The following FRMPD1 variants were observed in gnomAD, a reference collection of about 807,000 sequenced individuals.
The protein encoded by FRMPD1 is FERM and PDZ domain-containing protein 1.
Under a neutral mutation model 117.8 loss-of-function variants are expected in FRMPD1, and 76 were observed. That is an observed-to-expected ratio of 0.65 (90% CI 0.54 to 0.78). FRMPD1 has a LOEUF of 0.78. FRMPD1 is among the 30% of genes least tolerant of loss of function. The probability of loss-of-function intolerance (pLI) is 0.00; values close to 1 mark genes in which losing one functional copy is unlikely to be tolerated. For synonymous variants in FRMPD1, 783 were observed against 770.4 expected, an observed-to-expected ratio of 1.02 and a Z score of -0.27; for missense variants, 1,786 against 1,964.5, an observed-to-expected ratio of 0.91 and a Z score of 1.72.
chr9:37,619,682 C>T, the FRMPD1 span, among the ~76,000 whole-genome samples: 1 of 151,290 alleles, frequency 6.6e-6, no homozygotes, highest in Admixed American at 6.6e-5. Flanking sequence ...CAGTTGAACC[C>T]AGGAATTGGA....
the FRMPD1 span, among the ~76,000 whole-genome samples, chr9:37,640,704 C>T: frequency 6.6e-6 from 1 of 152,066 alleles, no homozygotes; most frequent in East Asian, 1.9e-4. Context: ...TAAAATCATC[C>T]TTTATTTTTG....
chr9:37,734,460 C>T (rs769229544), intron 12 of FRMPD1, among the ~76,000 whole-genome samples: 12 of 151,280 alleles, frequency 7.9e-5, no homozygotes, highest in Non-Finnish European at 1.6e-4. Context: ...CTGCCTGCTT[C>T]TTTTTGGAGC....
At chr9:37,672,816 T>A (rs1821399971) in intron 1 of FRMPD1, among the ~76,000 whole-genome samples, 1 of 152,048 alleles carries the variant, frequency 6.6e-6, no homozygotes, top group South Asian at 2.1e-4. Flanking sequence ...AAGCCCCCAA[T>A]AAACCCATCA....
chr9:37,692,016 A>G (rs1414031742), intron 1 of FRMPD1, among the ~76,000 whole-genome samples: 1 of 152,254 alleles, frequency 6.6e-6, no homozygotes. Context: ...AAGGAAGGAT[A>G]TAAGACAGAC....
chr9:37,639,196 G>T, the FRMPD1 span, among the ~76,000 whole-genome samples: 1 of 152,176 alleles, frequency 6.6e-6, no homozygotes, highest in African/African-American at 2.4e-5. Flanking sequence ...CTTGGATCAG[G>T]TTGGACACAT....
Position 37,732,347 on chromosome 9 carries a change from A to T in FRMPD1, c.902A>T (p.Lys301Ile). 6.2e-7 allele frequency: 1 copy of T among 1,613,902 alleles called. No individual in the cohort carries two copies. Among genetic ancestry groups the T allele is most frequent in the South Asian group, 1.1e-5 (1 of 91,086 alleles). The change falls in exon 10 of 16, where the codon AAA (lysine) becomes ATA (isoleucine). Residue 301 changes from lysine (K) to isoleucine (I), a missense_variant. Coordinates refer to ENST00000377765, the MANE Select transcript of FRMPD1 (RefSeq NM_014907.3). The stretch of plus-strand genomic sequence containing the variant: ...CAGGAGCGCTTTGCTGTAGAAATGA[A>T]ATGTAGCTCTGCACTCCGACTCGCG... The part of the protein sequence containing the change: ...VLQERFAVEM[K>I]CSSALRLAAL...
At chr9:37,688,394 A>G (rs536551460) in intron 1 of FRMPD1, among the ~76,000 whole-genome samples, 3 of 152,090 alleles carry the variant, frequency 2.0e-5, no homozygotes, top group Middle Eastern at 6.8e-3. Context: ...AATAATTTCC[A>G]TCCTACTGGC....
chr9:37,666,021 C>T (rs1002297729), intron 1 of FRMPD1, among the ~76,000 whole-genome samples: 1 of 152,158 alleles, frequency 6.6e-6, no homozygotes, highest in Non-Finnish European at 1.5e-5. Context: ...CATACATCTC[C>T]AAAGAGCTCT....
intron 1 of FRMPD1, 95 bp from the exon 2 acceptor site, chr9:37,692,543 A>G: frequency 8.4e-6 from 7 of 834,810 alleles, no homozygotes; most frequent in South Asian, 1.4e-5. Context: ...AGCATGTCTT[A>G]TAATGGGCAA....
At chr9:37,666,190 G>C (rs189797527) in intron 1 of FRMPD1, among the ~76,000 whole-genome samples, 1 of 152,240 alleles carries the variant, frequency 6.6e-6, no homozygotes, top group African/African-American at 2.4e-5. Context: ...AAAAGAAAAT[G>C]GGGGCATTTT....
chr9:37,743,520 CTTTTTTTTTTTTT>C (rs531949141), intron 15 of FRMPD1, among the ~76,000 whole-genome samples: 2,944 of 40,442 alleles, frequency 0.073, 71 homozygotes, highest in East Asian at 0.22. Context: ...AATGGCTCTG[CTTTTTTTTTTTTT>C]TTTTTTTTTT....
intron 5 of FRMPD1, among the ~76,000 whole-genome samples, chr9:37,717,548 T>G: frequency 6.6e-6 from 1 of 151,650 alleles, no homozygotes. Context: ...CTCGGCTAAT[T>G]TTTGTATTTT....
chr9:37,623,208 C>G, the FRMPD1 span, among the ~76,000 whole-genome samples: 260 of 152,268 alleles, frequency 1.7e-3, no homozygotes, highest in Non-Finnish European at 2.8e-3. Context: ...GTGCTGAGAC[C>G]ACTCTATGCT....
intron 7 of FRMPD1, among the ~76,000 whole-genome samples, chr9:37,728,339 T>C (rs945642137): frequency 1.3e-5 from 2 of 152,136 alleles, no homozygotes; most frequent in African/African-American, 4.8e-5. Flanking sequence ...AACAGGACAC[T>C]GGGACAGAGA....
At chr9:37,713,760 A>C (rs2118199300) in intron 5 of FRMPD1, among the ~76,000 whole-genome samples, 1 of 152,280 alleles carries the variant, frequency 6.6e-6, no homozygotes, top group Non-Finnish European at 1.5e-5. Flanking sequence ...CAAGAAATCA[A>C]ACTTGGACAT....
At position 37,746,775 on chromosome 9, in the gene FRMPD1, T is replaced by A. The variant is rs747973022; in HGVS notation, c.*6T>A. The A allele has an allele frequency of 6.2e-7, 1 of 1,609,110 alleles. No homozygotes were observed. On this transcript the variant is annotated 3_prime_UTR_variant, in exon 16 of 16. Coordinates refer to ENST00000377765, the MANE Select transcript of FRMPD1 (RefSeq NM_014907.3). ...GGGCATCCACGGCCCTGTAAACAGG[T>A]CAACGGCCCAAGGGCCTCCTGCCCT...
intron 2 of FRMPD1, among the ~76,000 whole-genome samples, chr9:37,704,185 CT>C (rs1822622545): frequency 6.6e-6 from 1 of 152,144 alleles, no homozygotes; most frequent in Non-Finnish European, 1.5e-5. Context: ...TACTTTTCAA[CT>C]GTAACTTTTC....
chr9:37,701,510 C>CAT (rs1822532343), intron 2 of FRMPD1, among the ~76,000 whole-genome samples: 1 of 146,806 alleles, frequency 6.8e-6, no homozygotes, highest in African/African-American at 2.6e-5. Flanking sequence ...TGTGCATGTA[C>CAT]GTGTGTGTGT....
chr9:37,746,596 G>A lies in FRMPD1; in HGVS notation c.4564G>A (p.Gly1522Arg), dbSNP rs373957529. The change falls in exon 16 of 16, where the codon GGG becomes AGG. Residue 1522 changes from glycine to arginine, a missense_variant. By Grantham distance (125) the Gly-to-Arg change is moderately radical. Transcript: ENST00000377765. ...RCSARHREAAGNLRDVVYTYH... is the reference protein window; with the variant it reads ...RCSARHREAARNLRDVVYTYH... ...CTCCGCCCGGCACAGGGAGGCAGCG[G>A]GGAACCTGAGGGATGTGGTGTACAC... 3 of 1,613,916 alleles carry A rather than the reference G, an allele frequency of 1.9e-6. No individual in the cohort carries two copies. Among genetic ancestry groups the A allele is most frequent in the African/African-American group, 2.7e-5 (2 of 74,946 alleles).
Sources: allele counts gnomAD v4.1 joint callset (sites outside exome capture counted in the v4.1 genomes callset), GRCh38; gene constraint gnomAD v4.1.1; transcripts MANE v1.5; gene names NCBI Gene and HGNC (gene_info 2026-07-23, HGNC 2026-07-21).